TAFA1: variants seen among roughly 807,000 people sequenced by gnomAD.
The protein encoded by TAFA1 is chemokine-like protein TAFA-1.
A neutral mutation model predicts 18.5 loss-of-function variants in TAFA1; 4 were observed. The ratio of observed to expected loss-of-function variants is 0.22; its 90% CI spans 0.11 to 0.49. The LOEUF (loss-of-function observed/expected upper bound fraction) is 0.49. Among genes scored for constraint, TAFA1 ranks in the 20% least tolerant of loss-of-function variants. The pLI is 0.98. For missense variants in TAFA1, 147 were observed against 169.0 expected, an observed-to-expected ratio of 0.87 and a Z score of 0.72; for synonymous variants, 56 against 55.2, an observed-to-expected ratio of 1.01 and a Z score of -0.06.
At chr3:67,997,319 G>A in the TAFA1 span, among the ~76,000 whole-genome samples, 1 of 152,092 alleles carries the variant, frequency 6.6e-6, no homozygotes, top group African/African-American at 2.4e-5. Context: ...ATCTTTTGAA[G>A]CAGGTATCAG....
chr3:68,079,782 A>G (rs560154914), intron 2 of TAFA1, among the ~76,000 whole-genome samples: 1 of 152,196 alleles, frequency 6.6e-6, no homozygotes, highest in African/African-American at 2.4e-5. Flanking sequence ...AAAAAAATGT[A>G]TATTCTGTTG....
intron 3 of TAFA1, among the ~76,000 whole-genome samples, chr3:68,532,564 G>A (rs748784242): frequency 8.5e-5 from 13 of 152,128 alleles, no homozygotes; most frequent in Non-Finnish European, 1.6e-4. Flanking sequence ...TGTGTCTACA[G>A]CCCCTCTGAG....
chr3:68,456,783 C>T (rs563339534), intron 3 of TAFA1, among the ~76,000 whole-genome samples: 1 of 152,112 alleles, frequency 6.6e-6, no homozygotes, highest in Non-Finnish European at 1.5e-5. Context: ...TCCCACTTTT[C>T]TTTTTTCTTT....
At position 68,331,856 on chromosome 3, in the gene TAFA1, C is replaced by CTTTTTTTTTTTTTTTT. The variant is rs60291932; in HGVS notation, c.119-85414_119-85399dup. On this transcript the variant is annotated intron_variant, in intron 2 of 4. Coordinates refer to ENST00000478136, the MANE Select transcript of TAFA1 (RefSeq NM_213609.4). Reference sequence around the variant, plus strand: ...TGGGTAAAGGATAGTCTTTTCTTTTCTTTTTTTTTTTTTTTTTTTTTTTTT... The same window carrying CTTTTTTTTTTTTTTTT: ...TGGGTAAAGGATAGTCTTTTCTTTTCTTTTTTTTTTTTTTTTTTTTTTTTTTTTTTTTTTTTTTTTT... Among the ~76,000 whole-genome samples the CTTTTTTTTTTTTTTTT allele has an allele frequency of 1.3e-3, 100 of 76,200 alleles. 9 individuals are homozygous for CTTTTTTTTTTTTTTTT. The highest frequency in any genetic ancestry group is 1.9e-3 in the South Asian group (3 of 1,602). The allele number at this position is 76,200 out of a possible 152,430, so 50.0% of individuals were successfully genotyped here.
chr3:68,032,992 C>T (rs1704970177), intron 2 of TAFA1, among the ~76,000 whole-genome samples: 1 of 152,038 alleles, frequency 6.6e-6, no homozygotes, highest in African/African-American at 2.4e-5. Flanking sequence ...CCTTTCATTT[C>T]CCCCAAAATT....
intron 3 of TAFA1, among the ~76,000 whole-genome samples, chr3:68,423,463 A>G (rs557452371): frequency 6.6e-6 from 1 of 152,266 alleles, no homozygotes; most frequent in East Asian, 1.9e-4. Context: ...ACATGAACAC[A>G]AGTTATATTC....
chr3:68,361,828 A>G (rs561079614), intron 2 of TAFA1, among the ~76,000 whole-genome samples: 3 of 152,216 alleles, frequency 2.0e-5, no homozygotes, highest in Admixed American at 2.0e-4. Context: ...GATTTATCTT[A>G]TGCCCATTTT....
chr3:68,245,825 G>C (rs536112252), intron 2 of TAFA1, among the ~76,000 whole-genome samples: 16 of 152,164 alleles, frequency 1.1e-4, no homozygotes, highest in Non-Finnish European at 1.6e-4. Flanking sequence ...TATTGTCTTC[G>C]TGTTTTGCGA....
chr3:68,280,353 ATC>A (rs1559597181), intron 2 of TAFA1, among the ~76,000 whole-genome samples: 1 of 152,172 alleles, frequency 6.6e-6, no homozygotes, highest in Non-Finnish European at 1.5e-5. Flanking sequence ...CTGGCTGGCA[ATC>A]TCTCTTTGTA....
chr3:68,482,212 GT>G (rs1385073149), intron 3 of TAFA1, among the ~76,000 whole-genome samples: 1 of 152,074 alleles, frequency 6.6e-6, no homozygotes, highest in Non-Finnish European at 1.5e-5. Flanking sequence ...GGGTTTAACC[GT>G]TTTAGCCAGG....
intron 2 of TAFA1, among the ~76,000 whole-genome samples, chr3:68,334,061 G>C (rs1407241098): frequency 1.3e-5 from 2 of 152,266 alleles, no homozygotes; most frequent in East Asian, 3.9e-4. Flanking sequence ...AGATGAAAAA[G>C]TTCAGGAGGC....
intron 2 of TAFA1, among the ~76,000 whole-genome samples, chr3:68,204,311 G>C (rs1307105310): frequency 6.6e-6 from 1 of 151,750 alleles, no homozygotes; most frequent in Non-Finnish European, 1.5e-5. Context: ...TCTCCTTTGG[G>C]CTGGCTTAAT....
intron 3 of TAFA1, among the ~76,000 whole-genome samples, chr3:68,476,450 G>T (rs1010938278): frequency 3.3e-5 from 5 of 152,162 alleles, no homozygotes; most frequent in Admixed American, 6.5e-5. Flanking sequence ...TGGGGATTTT[G>T]AGGTGTTTTA....
At chr3:68,185,325 A>G (rs2066256478) in intron 2 of TAFA1, among the ~76,000 whole-genome samples, 1 of 152,216 alleles carries the variant, frequency 6.6e-6, no homozygotes, top group African/African-American at 2.4e-5. Flanking sequence ...ATGGACTTGA[A>G]ATACAGAAGC....
At chr3:68,383,147 G>A (rs1243433641) in intron 2 of TAFA1, among the ~76,000 whole-genome samples, 5 of 151,978 alleles carry the variant, frequency 3.3e-5, no homozygotes, top group Admixed American at 1.3e-4. Context: ...GTCATCAGCA[G>A]AGAGGGATAG....
intron 2 of TAFA1, among the ~76,000 whole-genome samples, chr3:68,056,141 T>A (rs1039565582): frequency 6.6e-6 from 1 of 152,158 alleles, no homozygotes; most frequent in Admixed American, 6.5e-5. Context: ...CCATCCCAAT[T>A]CAATCTTAGG....
At chr3:68,261,776 G>A (rs1352348206) in intron 2 of TAFA1, among the ~76,000 whole-genome samples, 1 of 152,048 alleles carries the variant, frequency 6.6e-6, no homozygotes, top group African/African-American at 2.4e-5. Flanking sequence ...TGGGGTGGAG[G>A]GAGTGGGGAG....
chr3:68,540,798 A>G (rs2073360177), intron 4 of TAFA1, among the ~76,000 whole-genome samples: 1 of 152,238 alleles, frequency 6.6e-6, no homozygotes, highest in African/African-American at 2.4e-5. Context: ...ACAAAAAAAC[A>G]GAAACATAGA....
chr3:68,126,369 T>C (rs1281408209), intron 2 of TAFA1, among the ~76,000 whole-genome samples: 1 of 152,182 alleles, frequency 6.6e-6, no homozygotes, highest in Non-Finnish European at 1.5e-5. Context: ...TCAATTGTAC[T>C]TACTAAATGT....
Sources: gnomAD v4.1 joint callset for allele counts (sites outside exome capture counted in the v4.1 genomes callset) on GRCh38, gnomAD v4.1.1 for gene constraint, MANE v1.5 for transcripts, NCBI Gene and HGNC (gene_info 2026-07-23, HGNC 2026-07-21) for gene names.